Variants in GYPC observed in about 807,000 individuals in gnomAD.
GYPC encodes glycophorin-C.
A neutral mutation model predicts 12.6 loss-of-function variants in GYPC; 14 were observed. The observed-to-expected ratio is 1.11, with a 90% CI of 0.74 to 1.74. The LOEUF is 1.74. Among genes scored for constraint, GYPC ranks in the 40% most tolerant of loss-of-function variants. The pLI, the probability that GYPC is intolerant of heterozygous loss-of-function variation, is 0.00. For missense variants in GYPC, 225 were observed against 172.1 expected (o/e 1.31, Z -1.72); for synonymous variants, 78 against 62.1 (o/e 1.26, Z -1.20).
chr2:126,665,521 G>A (rs1682653996), intron 1 of GYPC, among the ~76,000 whole-genome samples: 1 of 152,206 alleles, frequency 6.6e-6, no homozygotes, highest in African/African-American at 2.4e-5. Flanking sequence ...ATCACCCAGT[G>A]GCAGCTCGAA....
At chr2:126,692,777 C>T (rs538180856) in intron 2 of GYPC, among the ~76,000 whole-genome samples, 4 of 152,240 alleles carry the variant, frequency 2.6e-5, no homozygotes, top group East Asian at 1.9e-4. Context: ...ATGTAAAGAC[C>T]TATGGGAGGG....
chr2:126,678,347 A>G (rs1683066209), intron 1 of GYPC: 1 of 152,248 alleles, frequency 6.6e-6, no homozygotes, highest in Non-Finnish European at 1.5e-5. Context: ...CAGCATCACC[A>G]ACAGCAATGG....
chr2:126,672,210 C>A (rs1481363238), intron 1 of GYPC, among the ~76,000 whole-genome samples: 1 of 152,282 alleles, frequency 6.6e-6, no homozygotes, highest in East Asian at 1.9e-4. Context: ...GCCTTCAAGG[C>A]CCCTCCAGAA....
At position 126,670,936 on chromosome 2, in the gene GYPC, C is replaced by T. The variant is rs566168456; in HGVS notation, c.49+14624C>T. Reference sequence around the variant, plus strand: ...CCATAGAGACCGGTGGCCCCCAAGCCTAAACTATTTACTGTCCAGCCCTTT... The same window carrying T: ...CCATAGAGACCGGTGGCCCCCAAGCTTAAACTATTTACTGTCCAGCCCTTT... On this transcript the variant is annotated intron_variant, in intron 1 of 3. Coordinates refer to ENST00000259254, the MANE Select transcript of GYPC (RefSeq NM_002101.5). Among the ~76,000 whole-genome samples, 3 of 152,306 alleles carry T rather than the reference C, an allele frequency of 2.0e-5. No individual in the cohort carries two copies. In the East Asian group the frequency reaches 5.8e-4, roughly 29 times the overall value.
At chr2:126,691,614 G>A (rs1225052847) in intron 2 of GYPC, among the ~76,000 whole-genome samples, 1 of 152,126 alleles carries the variant, frequency 6.6e-6, no homozygotes, top group Non-Finnish European at 1.5e-5. Flanking sequence ...CCCCTGTATA[G>A]TGTACATACA....
chr2:126,673,740 TCATGCTTAAA>T (rs1389744736), intron 1 of GYPC, among the ~76,000 whole-genome samples: 1 of 152,202 alleles, frequency 6.6e-6, no homozygotes, highest in Non-Finnish European at 1.5e-5. Flanking sequence ...ACAAATGGTT[TCATGCTTAAA>T]CACTGCCAGA....
intron 1 of GYPC, chr2:126,675,741 C>T (rs997490772): frequency 2.1e-6 from 2 of 954,728 alleles, no homozygotes; most frequent in Non-Finnish European, 2.5e-6. Flanking sequence ...CCTTTCCTCA[C>T]CCAAGCAGGT....
chr2:126,667,787 CA>C (rs1005670906), intron 1 of GYPC, among the ~76,000 whole-genome samples: 24 of 152,280 alleles, frequency 1.6e-4, no homozygotes, highest in African/African-American at 5.1e-4. Context: ...ACTTTTCATC[CA>C]CTTATAGTGA....
intron 1 of GYPC, among the ~76,000 whole-genome samples, chr2:126,684,505 C>T (rs1381492240): frequency 1.3e-5 from 2 of 152,238 alleles, no homozygotes; most frequent in South Asian, 2.1e-4. Flanking sequence ...ACTGGCATTG[C>T]CCACCCACTA....
intron 1 of GYPC, chr2:126,675,843 T>A (rs1682981657): frequency 4.8e-6 from 1 of 210,384 alleles, no homozygotes; most frequent in African/African-American, 2.3e-5. Context: ...AATAAGCTAA[T>A]GATATGTACT....
chr2:126,659,838 G>A (rs1682483944), intron 1 of GYPC, among the ~76,000 whole-genome samples: 1 of 147,796 alleles, frequency 6.8e-6, no homozygotes, highest in Non-Finnish European at 1.5e-5. Flanking sequence ...CTGGAGTGCA[G>A]TGGTGTGATC....
intron 1 of GYPC, among the ~76,000 whole-genome samples, chr2:126,663,181 A>G (rs1682582612): frequency 6.6e-6 from 1 of 152,064 alleles, no homozygotes; most frequent in South Asian, 2.1e-4. Context: ...GGGATTACAG[A>G]CATGTGCCAC....
chr2:126,677,464 A>ATGTGTGTGTGT (rs1558884886), intron 1 of GYPC, among the ~76,000 whole-genome samples: 4 of 145,376 alleles, frequency 2.8e-5, no homozygotes, highest in African/African-American at 1.1e-4. Context: ...AGAGTGTGAC[A>ATGTGTGTGTGT]GTGTGTGTGT....
intron 1 of GYPC, among the ~76,000 whole-genome samples, chr2:126,677,341 AAGAATG>A (rs1048336972): frequency 1.6e-4 from 17 of 104,976 alleles, no homozygotes; most frequent in South Asian, 7.5e-4. Context: ...GTGTGTAAGA[AAGAATG>A]TGTGTGTGAG....
At position 126,687,839 on chromosome 2, in the gene GYPC, C is replaced by T. The variant is rs367798057; in HGVS notation, c.50-2416C>T. 9.5e-4 allele frequency among the ~76,000 whole-genome samples: 145 copies of T among 152,154 alleles called. 2 individuals carry two copies. The highest frequency in any genetic ancestry group is 3.3e-3 in the African/African-American group (135 of 41,512). ...GTCTCCCAGTATACAGATTTGAGTA[C>T]AAGGTCCCTAACCAGAAGCCAAGAA... On this transcript the variant is annotated intron_variant, in intron 1 of 3. Transcript: ENST00000259254.
intron 1 of GYPC, among the ~76,000 whole-genome samples, chr2:126,683,776 C>T (rs1245611425): frequency 6.6e-6 from 1 of 152,146 alleles, no homozygotes; most frequent in African/African-American, 2.4e-5. Context: ...AAGCAAGTGA[C>T]TAGGTATGAA....
At chr2:126,683,245 G>T (rs1336757861) in intron 1 of GYPC, among the ~76,000 whole-genome samples, 2 of 152,118 alleles carry the variant, frequency 1.3e-5, no homozygotes, top group African/African-American at 4.8e-5. Context: ...ACTTGAACCT[G>T]GGGGGCAGAG....
chr2:126,660,574 C>T (rs1332771336), intron 1 of GYPC, among the ~76,000 whole-genome samples: 1 of 152,128 alleles, frequency 6.6e-6, no homozygotes, highest in Non-Finnish European at 1.5e-5. Context: ...GAATTCTGAC[C>T]TCTCCAGGGG....
At chr2:126,694,214 A>G (rs550179825) in intron 3 of GYPC, among the ~76,000 whole-genome samples, 43 of 152,246 alleles carry the variant, frequency 2.8e-4, no homozygotes, top group African/African-American at 1.0e-3. Context: ...GAGAGGCAGC[A>G]GTTTTGGTGA....
Sources: allele counts gnomAD v4.1 joint callset (sites outside exome capture counted in the v4.1 genomes callset), GRCh38; gene constraint gnomAD v4.1.1; transcripts MANE v1.5; gene names NCBI Gene and HGNC (gene_info 2026-07-23, HGNC 2026-07-21).